FAM107A: variants seen among roughly 807,000 people sequenced by gnomAD.
The protein encoded by FAM107A is actin-associated protein FAM107A.
FAM107A carries 19 observed loss-of-function variants against 13.7 expected under a neutral mutation model. That is an observed-to-expected ratio of 1.38 (90% CI 0.97 to 2.03). The LOEUF is 2.03. FAM107A is among the 30% of genes most tolerant of loss of function. FAM107A has a pLI of 0.00. For synonymous variants in FAM107A, 82 were observed against 74.5 expected (o/e 1.10, Z -0.52); for missense variants, 203 against 184.4 (o/e 1.10, Z -0.58).
chr3:58,627,109 G>C lies in FAM107A; in HGVS notation c.-70+307C>G. The C allele has an allele frequency of 5.0e-6, 5 of 998,912 alleles. No homozygotes were observed. In the South Asian group the frequency reaches 5.6e-5, roughly 11 times the overall value. 61.9% of individuals were successfully genotyped at this position (998,912 alleles called of 1,614,324 possible). ...GGGGCTCCCGGGGCGAGGGCCCCCT[G>C]TCCTCTTGCGGCTCATTCTCCCAGG... On this transcript the variant is annotated intron_variant, in intron 1 of 3. Transcript: ENST00000465970.
At chr3:58,590,591 G>C (rs2108064754), upstream of FAM107A, among the ~76,000 whole-genome samples, 1 of 152,298 alleles carries the variant, frequency 6.6e-6, no homozygotes, top group East Asian at 1.9e-4. Context: ...TATAATTATG[G>C]TGAAAAGTGA....
chr3:58,585,502 G>C (rs544684739), intron 1 of FAM107A, among the ~76,000 whole-genome samples: 15 of 152,386 alleles, frequency 9.8e-5, no homozygotes, highest in African/African-American at 3.6e-4. Flanking sequence ...GCTTAAGCGG[G>C]AAGGGCGAGC....
chr3:58,590,710 G>A (rs1017267866), upstream of FAM107A, among the ~76,000 whole-genome samples: 1 of 152,168 alleles, frequency 6.6e-6, no homozygotes, highest in Admixed American at 6.5e-5. Flanking sequence ...CTCACTCACT[G>A]TCACGAGAAC....
upstream of FAM107A, chr3:58,577,564 C>T: frequency 1.0e-6 from 1 of 985,456 alleles, no homozygotes; most frequent in South Asian, 4.7e-5. This position sits in a 1 kb window ranked among gnomAD's most constrained non-coding sequence, Gnocchi z 4.9. Context: ...CGATGCGGAA[C>T]ATCATGTCCA....
chr3:58,576,744 C>T (rs1239078233), intron 1 of FAM107A, among the ~76,000 whole-genome samples: 1 of 152,200 alleles, frequency 6.6e-6, no homozygotes, highest in East Asian at 1.9e-4. Flanking sequence ...CACTATGTGC[C>T]ATGCACTGTG....
chr3:58,626,666 G>A (rs1196752756), intron 1 of FAM107A, among the ~76,000 whole-genome samples: 1 of 152,196 alleles, frequency 6.6e-6, no homozygotes, highest in African/African-American at 2.4e-5. Flanking sequence ...CTCTCCTGGG[G>A]TATGGGGAAG....
chr3:58,599,641 AGGTATT>A (rs2065735470), intron 1 of FAM107A, among the ~76,000 whole-genome samples: 1 of 141,916 alleles, frequency 7.0e-6, no homozygotes, highest in South Asian at 2.2e-4. Context: ...GTGGTTACAC[AGGTATT>A]TTCAGTTTCT....
At chr3:58,586,796 C>T (rs965057376) in intron 1 of FAM107A, 3 of 1,465,936 alleles carry the variant, frequency 2.0e-6, no homozygotes, top group African/African-American at 1.4e-5. Flanking sequence ...GACTGAGCGC[C>T]GTGCACCACA....
intron 1 of FAM107A, chr3:58,570,294 G>T: frequency 1.5e-6 from 1 of 677,558 alleles, no homozygotes; most frequent in South Asian, 6.5e-5. Context: ...AAAACAATTT[G>T]GATAAATGCA....
intron 1 of FAM107A, among the ~76,000 whole-genome samples, chr3:58,570,867 T>C (rs1436094337): frequency 6.6e-6 from 1 of 152,260 alleles, no homozygotes; most frequent in Non-Finnish European, 1.5e-5. Context: ...AATGCAACTT[T>C]TGAAGTTTTC....
chr3:58,567,101 C>G (rs1189091523), intron 3 of FAM107A, 107 bp downstream of exon 3: 23 of 1,374,110 alleles, frequency 1.7e-5, no homozygotes, highest in African/African-American at 2.8e-5. Flanking sequence ...GTCCAGTGCT[C>G]TGTCTGCTGA....
upstream of FAM107A, among the ~76,000 whole-genome samples, chr3:58,587,287 C>T (rs1261940919): frequency 6.6e-6 from 1 of 152,230 alleles, no homozygotes; most frequent in Admixed American, 6.5e-5. Flanking sequence ...TGGCCGCTGG[C>T]CTTGTTGATG....
intron 2 of FAM107A, among the ~76,000 whole-genome samples, chr3:58,567,932 C>T (rs1277332509): frequency 3.3e-5 from 5 of 152,080 alleles, no homozygotes; most frequent in Non-Finnish European, 7.4e-5. Flanking sequence ...TGTGAATTAA[C>T]TGTATTATCA....
chr3:58,591,694 G>A (rs560745885), upstream of FAM107A, among the ~76,000 whole-genome samples: 1 of 152,232 alleles, frequency 6.6e-6, no homozygotes, highest in South Asian at 2.1e-4. This position sits in a 1 kb window ranked among gnomAD's most constrained non-coding sequence, Gnocchi z 4.3. Flanking sequence ...CCTCAACCAC[G>A]TGCTCCCGTA....
intron 1 of FAM107A, among the ~76,000 whole-genome samples, chr3:58,606,285 G>A (rs1209730257): frequency 6.6e-6 from 1 of 152,050 alleles, no homozygotes; most frequent in Non-Finnish European, 1.5e-5. Context: ...TAGTAGAGGC[G>A]GGGTTTCACC....
intron 1 of FAM107A, among the ~76,000 whole-genome samples, chr3:58,586,493 C>G (rs2065606883): frequency 6.6e-6 from 1 of 151,794 alleles, no homozygotes; most frequent in Non-Finnish European, 1.5e-5. Flanking sequence ...TGGAGATCAG[C>G]CTGGGCAGCA....
chr3:58,626,194 TGCAG>T (rs60835363), intron 1 of FAM107A, among the ~76,000 whole-genome samples: 13,477 of 152,040 alleles, frequency 0.089, 816 homozygotes, highest in Non-Finnish European at 0.13. Flanking sequence ...GGTGAGTAAA[TGCAG>T]GCCCCTCTTT....
At chr3:58,586,138 G>C (rs1325229327) in intron 1 of FAM107A, among the ~76,000 whole-genome samples, 1 of 152,090 alleles carries the variant, frequency 6.6e-6, no homozygotes, top group Non-Finnish European at 1.5e-5. Flanking sequence ...CTTCAACCGC[G>C]CTGCCGGGCT....
At position 58,626,902 on chromosome 3, in the gene FAM107A, C is replaced by T. The variant is rs2066023617; in HGVS notation, c.-70+514G>A. ...AAGCTGCAGGGTAGGTGGGTCGGGG[C>T]TCCCACTTGCTAGGTCCAGTCTCCC... On this transcript the variant is annotated intron_variant, in intron 1 of 3. Coordinates refer to the FAM107A transcript ENST00000465970. 12 of 1,473,658 alleles carry T rather than the reference C, an allele frequency of 8.1e-6. No homozygotes were observed. The East Asian group carries it at 2.7e-4, about 33-fold the overall frequency. The allele number at this position is 1,473,658 out of a possible 1,614,324, so 91.3% of individuals were successfully genotyped here.
Sources: gnomAD v4.1 joint callset for allele counts (sites outside exome capture counted in the v4.1 genomes callset) on GRCh38, gnomAD v4.1.1 for gene constraint, Gnocchi (gnomAD v3.1) non-coding constraint, MANE v1.5 for transcripts, NCBI Gene and HGNC (gene_info 2026-07-23, HGNC 2026-07-21) for gene names.